Variants in TACC2 observed in about 807,000 individuals in gnomAD.
TACC2 encodes the protein transforming acidic coiled-coil containing protein 2.
Under a neutral mutation model 227.3 loss-of-function variants are expected in TACC2, and 137 were observed. The observed-to-expected ratio is 0.60, with a 90% CI of 0.52 to 0.69. TACC2 has a LOEUF of 0.69. TACC2 is among the 30% of genes least tolerant of loss of function. The pLI is 0.00. For missense variants in TACC2, 3,470 were observed against 3,694.4 expected (o/e 0.94, Z 1.57); for synonymous variants, 1,523 against 1,487.5 (o/e 1.02, Z -0.55).
chr10:122,155,009 G>C (rs1303823470), intron 7 of TACC2, among the ~76,000 whole-genome samples: 1 of 152,238 alleles, frequency 6.6e-6, no homozygotes. Flanking sequence ...CTCGACTGCT[G>C]CGGGCAGGCG....
In TACC2 at chr10:122,087,118, G is replaced by C. The variant is rs766627580; in HGVS notation, c.4618G>C (p.Gly1540Arg). ...RPEGPGAAWP[G>R]LEGQAYSQLE... ...AGAGGGGCCTGGGGCAGCCTGGCCA[G>C]GCCTGGAAGGCCAGGCTTACTCACA... Residue 1540 changes from glycine (G) to arginine (R), a missense_variant, in exon 4 of 23, where the codon GGC becomes CGC. Coordinates refer to ENST00000369005, the MANE Select transcript of TACC2 (RefSeq NM_206862.4). The C allele has an allele frequency of 1.2e-6, 2 of 1,609,946 alleles. No homozygotes were observed. Among genetic ancestry groups the C allele is most frequent in the Non-Finnish European group, 8.5e-7 (1 of 1,178,670 alleles).
intron 3 of TACC2, among the ~76,000 whole-genome samples, chr10:122,061,462 G>C (rs1000449507): frequency 6.6e-6 from 1 of 152,096 alleles, no homozygotes; most frequent in African/African-American, 2.4e-5. Flanking sequence ...TCCTACGGGT[G>C]CCAGGTGAAG....
In TACC2 at chr10:122,248,712, C is replaced by T. The variant is rs2096184613; in HGVS notation, c.8462C>T (p.Ala2821Val). 10 of 1,613,990 alleles carry T rather than the reference C, an allele frequency of 6.2e-6. No homozygotes were observed. The highest frequency in any genetic ancestry group is 1.7e-5 in the Admixed American group (1 of 60,000). Residue 2821 changes from alanine to valine, a missense_variant, in exon 20 of 23, where the codon GCC becomes GTC. Ala to Val is a moderately conservative substitution (Grantham distance 64, BLOSUM62 0). Coordinates refer to ENST00000369005, the MANE Select transcript of TACC2 (RefSeq NM_206862.4). ...VQQLVLEKEQ[A>V]LADLNSVEKS... ...CAGCTGGTTCTGGAGAAGGAGCAAG[C>T]CCTGGCCGACCTGAACTCCGTGGAG...
chr10:122,129,758 T>G (rs2087669710), intron 5 of TACC2, among the ~76,000 whole-genome samples: 1 of 152,152 alleles, frequency 6.6e-6, no homozygotes. Flanking sequence ...CCATTTCTCT[T>G]TGCAGTGATC....
At chr10:122,155,028 A>G (rs961326360) in intron 7 of TACC2, among the ~76,000 whole-genome samples, 2 of 152,148 alleles carry the variant, frequency 1.3e-5, no homozygotes, top group African/African-American at 4.8e-5. Flanking sequence ...CGTGGGAAGA[A>G]ATTTACCCCA....
chr10:122,176,407 C>T (rs1454953863), intron 7 of TACC2, among the ~76,000 whole-genome samples: 2 of 152,092 alleles, frequency 1.3e-5, no homozygotes, highest in African/African-American at 4.8e-5. Context: ...AACTTTGACT[C>T]TTGCGCCCTC....
In TACC2 at chr10:122,227,871, ACTG is replaced by A. The variant is rs1230344014; in HGVS notation, c.7764_7766del (p.Ala2589del). ...TGAAGAGACTGAAGCCCTTGTGAAC[ACTG>A]CTGCGAAAAACCAGCATCCTGTCCC... On this transcript the variant is annotated inframe_deletion, in exon 14 of 23. Coordinates refer to ENST00000369005, the MANE Select transcript of TACC2 (RefSeq NM_206862.4). 1 of 1,614,184 alleles carries A rather than the reference ACTG, an allele frequency of 6.2e-7. No homozygotes were observed. Among genetic ancestry groups the A allele is most frequent in the Non-Finnish European group, 8.5e-7 (1 of 1,180,022 alleles).
chr10:122,241,340 G>A (rs553947086), intron 18 of TACC2, among the ~76,000 whole-genome samples: 1 of 152,222 alleles, frequency 6.6e-6, no homozygotes, highest in East Asian at 1.9e-4. Context: ...TGCCCACGCT[G>A]GAGTACAGTG....
chr10:122,039,040 A>G (rs1336823142), intron 2 of TACC2, among the ~76,000 whole-genome samples: 2 of 152,168 alleles, frequency 1.3e-5, no homozygotes, highest in African/African-American at 4.8e-5. Flanking sequence ...CAGTGGCACA[A>G]TCTTGGCTCA....
intron 1 of TACC2, among the ~76,000 whole-genome samples, chr10:121,999,201 G>T (rs948551078): frequency 6.6e-6 from 1 of 152,054 alleles, no homozygotes. Flanking sequence ...TAGAGACAGG[G>T]TTTCACCGTT....
rs553541207 is a variant in TACC2 at position 121,990,551 on chromosome 10, G to A, written c.-46+1063G>A. 4.7e-4 allele frequency among the ~76,000 whole-genome samples: 72 copies of A among 152,030 alleles called. 1 individual carries two copies. The highest frequency in any genetic ancestry group is 1.0e-3 in the Admixed American group (16 of 15,270). On this transcript the variant is annotated intron_variant, in intron 1 of 22. Transcript: ENST00000369005. ...TATTTTTAATTTTCTGCCCAAGTAC[G>A]TTCCCACCATTGTTCCTGGTGTTTC...
chr10:122,042,720 C>T (rs188030351), intron 2 of TACC2, among the ~76,000 whole-genome samples: 1 of 152,318 alleles, frequency 6.6e-6, no homozygotes, highest in East Asian at 1.9e-4. Context: ...GACCCCCATT[C>T]TACAGATACG....
chr10:122,212,582 G>A lies in TACC2; in HGVS notation c.7283+874G>A, dbSNP rs142212959. 2.1e-3 allele frequency among the ~76,000 whole-genome samples: 318 copies of A among 152,320 alleles called. 3 individuals are homozygous for A. The highest frequency in any genetic ancestry group is 7.6e-3 in the African/African-American group (314 of 41,564). ...GTATTGTCAGTAATTTAACAAGGCT[G>A]AGGAGATCAGTCTCCCAGGGGCAGC... is the stretch of plus-strand genomic sequence containing the variant. On this transcript the variant is annotated intron_variant, in intron 9 of 22. Transcript: ENST00000369005.
chr10:122,087,106 G>A lies in TACC2; in HGVS notation c.4606G>A (p.Ala1536Thr). The A allele has an allele frequency of 6.2e-7, 1 of 1,610,412 alleles. No individual in the cohort carries two copies. Among genetic ancestry groups the A allele is most frequent in the Non-Finnish European group, 8.5e-7 (1 of 1,178,688 alleles). ...AGACGAGAGGCCAGAGGGGCCTGGG[G>A]CAGCCTGGCCAGGCCTGGAAGGCCA... Reference protein sequence around the residue: ...REDERPEGPGAAWPGLEGQAY... With the variant: ...REDERPEGPGTAWPGLEGQAY... The change falls in exon 4 of 23, where the codon GCA becomes ACA. Residue 1536 changes from alanine (A) to threonine (T), a missense_variant. By Grantham distance (58) the Ala-to-Thr change is moderately conservative (BLOSUM62 0). This residue lies in a region of TACC2 where 1,924 missense variants were observed against 1,978.3 expected (regional missense o/e 0.97). Coordinates refer to ENST00000369005, the MANE Select transcript of TACC2 (RefSeq NM_206862.4).
intron 5 of TACC2, among the ~76,000 whole-genome samples, chr10:122,115,917 A>G (rs1359645153): frequency 6.6e-6 from 1 of 152,196 alleles, no homozygotes; most frequent in Non-Finnish European, 1.5e-5. Context: ...AGTGCTGGCT[A>G]GAGGAGCATA....
intron 16 of TACC2, among the ~76,000 whole-genome samples, chr10:122,231,468 C>T (rs140163706): frequency 3.3e-4 from 50 of 152,286 alleles, no homozygotes; most frequent in South Asian, 1.0e-3. Context: ...GTCTGGTGTG[C>T]GGAGAGTGGC....
At chr10:122,036,384 A>G (rs1463918448) in intron 2 of TACC2, among the ~76,000 whole-genome samples, 2 of 151,534 alleles carry the variant, frequency 1.3e-5, no homozygotes, top group African/African-American at 2.4e-5. Context: ...TAGTAGAGAC[A>G]GAGTTTCACC....
intron 5 of TACC2, among the ~76,000 whole-genome samples, chr10:122,108,384 C>T (rs909082776): frequency 1.5e-5 from 2 of 129,142 alleles, no homozygotes; most frequent in African/African-American, 2.6e-5. Context: ...CGCGCGCTCT[C>T]TCTTTCTCTC....
intron 3 of TACC2, among the ~76,000 whole-genome samples, chr10:122,061,461 T>C (rs1047297198): frequency 2.6e-5 from 4 of 151,990 alleles, no homozygotes; most frequent in Non-Finnish European, 5.9e-5. Context: ...ATCCTACGGG[T>C]GCCAGGTGAA....
Sources: gnomAD v4.1 joint callset for allele counts (sites outside exome capture counted in the v4.1 genomes callset) on GRCh38, gnomAD v4.1.1 for gene constraint, gnomAD v4.1.1 regional missense constraint, MANE v1.5 for transcripts, NCBI Gene and HGNC (gene_info 2026-07-23, HGNC 2026-07-21) for gene names.